The following KIT variants were observed in gnomAD, a reference collection of about 807,000 sequenced individuals.
KIT encodes KIT proto-oncogene, receptor tyrosine kinase.
In KIT, 16 loss-of-function variants were observed where a neutral mutation model predicts 105.7. That is an observed-to-expected ratio of 0.15 (90% confidence interval 0.10 to 0.23). The LOEUF is 0.23. KIT is among the 10% of genes least tolerant of loss of function. KIT has a pLI of 1.00. For synonymous variants in KIT, 438 were observed against 441.1 expected (o/e 0.99, Z 0.09); for missense variants, 858 against 1,213.8 (o/e 0.71, Z 4.36).
rs960789760 is a variant in KIT, at chr4:54,701,156, A to G, written c.756+1390A>G. On this transcript the variant is annotated intron_variant, in intron 4 of 20. Transcript: ENST00000288135. ...CCAGGAGCCCTGCATGCCAGTCCCA[A>G]TTAATCCACTGGTGCTGGTAGATAA... 9.2e-5 allele frequency among the ~76,000 whole-genome samples: 14 copies of G among 152,198 alleles called. 1 individual carries two copies. The highest frequency in any genetic ancestry group is 5.9e-4 in the Admixed American group (9 of 15,280).
intron 1 of KIT, among the ~76,000 whole-genome samples, chr4:54,662,026 G>A (rs542898580): frequency 3.3e-5 from 5 of 152,306 alleles, no homozygotes; most frequent in South Asian, 2.1e-4. Flanking sequence ...ACATTGAGGC[G>A]ATATTAAACA....
chr4:54,721,190 A>T (rs987037830), intron 7 of KIT, among the ~76,000 whole-genome samples: 1 of 152,208 alleles, frequency 6.6e-6, no homozygotes, highest in Admixed American at 6.5e-5. Flanking sequence ...AAGATCTTGC[A>T]TACCAGCGTC....
At chr4:54,682,426 T>C (rs549648429) in intron 1 of KIT, among the ~76,000 whole-genome samples, 8 of 151,866 alleles carry the variant, frequency 5.3e-5, no homozygotes, top group Non-Finnish European at 1.0e-4. Context: ...GATTTCTTTG[T>C]CTTTTTTTTC....
chr4:54,661,991 T>C (rs184827740), intron 1 of KIT, among the ~76,000 whole-genome samples: 2 of 152,250 alleles, frequency 1.3e-5, no homozygotes, highest in African/African-American at 4.8e-5. Context: ...ATGTTTTCTT[T>C]GGCCTACATG....
At chr4:54,714,246 C>G (rs998233968) in intron 7 of KIT, among the ~76,000 whole-genome samples, 5 of 152,066 alleles carry the variant, frequency 3.3e-5, no homozygotes, top group African/African-American at 7.2e-5. Context: ...AGACATTAAC[C>G]TTTCCAAAAC....
intron 7 of KIT, among the ~76,000 whole-genome samples, chr4:54,720,177 C>G (rs62306777): frequency 6.6e-6 from 1 of 152,100 alleles, no homozygotes; most frequent in Non-Finnish European, 1.5e-5. Context: ...CTTACTAGAT[C>G]TCTGGAGGTG....
At chr4:54,662,487 G>T (rs2237034) in intron 1 of KIT, among the ~76,000 whole-genome samples, 21,168 of 152,098 alleles carry the variant, frequency 0.14, 1,625 homozygotes, top group East Asian at 0.25. Flanking sequence ...CATAATTATC[G>T]TCTGTAAAAC....
At chr4:54,683,955 A>C (rs968863594) in intron 1 of KIT, among the ~76,000 whole-genome samples, 26 of 152,348 alleles carry the variant, frequency 1.7e-4, no homozygotes, top group African/African-American at 6.0e-4. Flanking sequence ...ATTTGCCCAG[A>C]GATCACAAAA....
At chr4:54,667,796 A>T (rs1480346257) in intron 1 of KIT, among the ~76,000 whole-genome samples, 1 of 152,224 alleles carries the variant, frequency 6.6e-6, no homozygotes, top group Non-Finnish European at 1.5e-5. Flanking sequence ...AATAACTTTT[A>T]AAAATGGAAA....
At chr4:54,737,383 C>T (rs763210930) in intron 20 of KIT, 103 bp downstream of exon 20, 1 of 809,946 alleles carries the variant, frequency 1.2e-6, no homozygotes, top group South Asian at 1.4e-5. Flanking sequence ...AACCCCTTCT[C>T]TCCTAATCTT....
At chr4:54,688,501 A>G (rs967729248) in intron 1 of KIT, among the ~76,000 whole-genome samples, 29 of 152,130 alleles carry the variant, frequency 1.9e-4, no homozygotes, top group African/African-American at 6.0e-4. Context: ...AAAAGAGGAC[A>G]GGTTTAGAAA....
intron 7 of KIT, among the ~76,000 whole-genome samples, chr4:54,722,295 T>C (rs1449458559): frequency 2.0e-5 from 3 of 152,170 alleles, no homozygotes. Flanking sequence ...CCAGCAATAA[T>C]AATAATAAAT....
chr4:54,726,165 A>C, intron 9 of KIT, 115 bp downstream of exon 9: 1 of 819,150 alleles, frequency 1.2e-6, no homozygotes, highest in Non-Finnish European at 2.1e-6. Flanking sequence ...TACATGCATC[A>C]CACCATACTG....
intron 1 of KIT, among the ~76,000 whole-genome samples, chr4:54,692,735 A>G (rs1221671303): frequency 2.6e-5 from 4 of 152,178 alleles, no homozygotes; most frequent in Non-Finnish European, 4.4e-5. Flanking sequence ...GCGTGCCCAT[A>G]TTCTTGCTGC....
At chr4:54,722,305 T>TAATTGTTTC (rs1721929416) in intron 7 of KIT, among the ~76,000 whole-genome samples, 1 of 152,156 alleles carries the variant, frequency 6.6e-6, no homozygotes, top group African/African-American at 2.4e-5. Flanking sequence ...TAATAATAAA[T>TAATTGTTTC]AATTGTTTCA....
At position 54,698,546 on chromosome 4, in the gene KIT, C is replaced by T. The variant is rs772105682; in HGVS notation, c.600C>T (p.Phe200=). ...QEGKSVLSEK[F]ILKVRPAFKA... ...GCAAGTCAGTGCTGTCGGAAAAATTCATCCTGAAAGTGAGGCCAGGTACTG... is the reference window on the plus strand; with the variant it reads ...GCAAGTCAGTGCTGTCGGAAAAATTTATCCTGAAAGTGAGGCCAGGTACTG... The change falls in exon 3 of 21, where the codon TTC becomes TTT. Residue 200 remains phenylalanine (F), a synonymous_variant. Coordinates refer to ENST00000288135, the MANE Select transcript of KIT (RefSeq NM_000222.3). 3.1e-6 allele frequency: 5 copies of T among 1,614,030 alleles called. No homozygotes were observed. The highest frequency in any genetic ancestry group is 3.3e-5 in the Admixed American group (2 of 60,004).
chr4:54,701,592 C>T (rs1720454061), intron 4 of KIT, among the ~76,000 whole-genome samples: 1 of 152,162 alleles, frequency 6.6e-6, no homozygotes, highest in Admixed American at 6.6e-5. Flanking sequence ...TTGACAGTAT[C>T]CTAACTTATG....
intron 1 of KIT, among the ~76,000 whole-genome samples, chr4:54,662,609 G>A (rs900543134): frequency 6.6e-6 from 1 of 152,118 alleles, no homozygotes; most frequent in African/African-American, 2.4e-5. Flanking sequence ...ATCTTGCCCT[G>A]TTGCCCAGGC....
At chr4:54,721,191 T>C (rs1459994393) in intron 7 of KIT, among the ~76,000 whole-genome samples, 2 of 152,284 alleles carry the variant, frequency 1.3e-5, no homozygotes, top group East Asian at 3.9e-4. Context: ...AGATCTTGCA[T>C]ACCAGCGTCA....
Sources: allele counts gnomAD v4.1 joint callset (sites outside exome capture counted in the v4.1 genomes callset), GRCh38; gene constraint gnomAD v4.1.1; transcripts MANE v1.5; gene names NCBI Gene and HGNC (gene_info 2026-07-23, HGNC 2026-07-21).